The following APBA2 variants were observed in gnomAD, a reference collection of about 807,000 sequenced individuals.
The protein encoded by APBA2 is amyloid beta precursor protein binding family A member 2.
In APBA2, 30 loss-of-function variants were observed where a neutral mutation model predicts 75.0. The observed-to-expected ratio is 0.40, with a 90% CI of 0.30 to 0.54. The LOEUF (loss-of-function observed/expected upper bound fraction) is 0.54, where lower values mean the gene tolerates loss of function less well. APBA2 is among the 20% of genes least tolerant of loss of function. APBA2 has a pLI of 0.49. For missense variants in APBA2, 801 were observed against 1,016.1 expected, an observed-to-expected ratio of 0.79 and a Z score of 2.88; for synonymous variants, 444 against 409.6, an observed-to-expected ratio of 1.08 and a Z score of -1.01.
At chr15:29,092,147 C>T (rs2171893) in intron 6 of APBA2, among the ~76,000 whole-genome samples, 129,944 of 152,228 alleles carry the variant, frequency 0.85, 58,519 homozygotes, top group Non-Finnish European at 0.99. Context: ...GTTTTACATA[C>T]TGTCTACGGC....
chr15:28,957,401 T>C (rs781565693), intron 2 of APBA2, among the ~76,000 whole-genome samples: 66 of 152,150 alleles, frequency 4.3e-4, no homozygotes, highest in Non-Finnish European at 7.1e-4. Flanking sequence ...TTCACTTCCT[T>C]CGGGCATACC....
At chr15:29,002,890 G>C (rs1169055457) in intron 3 of APBA2, among the ~76,000 whole-genome samples, 1 of 152,282 alleles carries the variant, frequency 6.6e-6, no homozygotes, top group South Asian at 2.1e-4. Context: ...CCAGGAGGGA[G>C]TGAGGGTTGA....
chr15:28,975,016 G>A (rs1566862189), intron 2 of APBA2, among the ~76,000 whole-genome samples: 2 of 151,846 alleles, frequency 1.3e-5, no homozygotes, highest in Admixed American at 6.6e-5. Context: ...ATCATGAAGG[G>A]GAGAGAGAGA....
intron 1 of APBA2, among the ~76,000 whole-genome samples, chr15:28,914,214 CT>C (rs2033564074): frequency 6.6e-6 from 1 of 152,190 alleles, no homozygotes; most frequent in Non-Finnish European, 1.5e-5. Flanking sequence ...CAGGCTCCCC[CT>C]GCTCATCCCA....
chr15:28,903,783 G>A (rs922697064), intron 1 of APBA2, among the ~76,000 whole-genome samples: 2 of 152,184 alleles, frequency 1.3e-5, no homozygotes, highest in Non-Finnish European at 2.9e-5. Context: ...TGCTGGGTGA[G>A]GGACAGGCAG....
chr15:29,013,896 A>T (rs2039527440), intron 3 of APBA2, among the ~76,000 whole-genome samples: 1 of 152,228 alleles, frequency 6.6e-6, no homozygotes, highest in East Asian at 1.9e-4. Flanking sequence ...GATTCACATT[A>T]GCATATTTGG....
At chr15:29,090,090 C>T (rs1044805227) in intron 6 of APBA2, among the ~76,000 whole-genome samples, 6 of 152,204 alleles carry the variant, frequency 3.9e-5, no homozygotes, top group African/African-American at 9.7e-5. Context: ...GGGTTCTCCT[C>T]CCGTGGTGCG....
rs540238344 is a variant in APBA2, at chr15:29,045,909, A to G, written c.-40-7936A>G. On this transcript the variant is annotated intron_variant, in intron 3 of 14. Coordinates refer to ENST00000683413, the MANE Select transcript of APBA2 (RefSeq NM_001353788.2). ...ATCAGTTTCACAAATGATGTGCTAGATGATTAGTCATATCTCCGGCTCTCT... is the reference window on the plus strand; with the variant it reads ...ATCAGTTTCACAAATGATGTGCTAGGTGATTAGTCATATCTCCGGCTCTCT... Among the ~76,000 whole-genome samples, 12 of 152,262 alleles carry G rather than the reference A, an allele frequency of 7.9e-5. No individual in the cohort carries two copies. The East Asian group carries it at 2.1e-3, about 27-fold the overall frequency.
At chr15:29,066,335 GA>G (rs2042378351) in intron 4 of APBA2, among the ~76,000 whole-genome samples, 1 of 152,148 alleles carries the variant, frequency 6.6e-6, no homozygotes, top group Admixed American at 6.5e-5. Context: ...AGCATAGCGA[GA>G]AAGTACAAAA....
intron 1 of APBA2, among the ~76,000 whole-genome samples, chr15:28,920,902 G>A (rs2033939200): frequency 6.6e-6 from 1 of 152,152 alleles, no homozygotes; most frequent in South Asian, 2.1e-4. Context: ...GAGCTAGGAC[G>A]TCTATCTCTG....
Position 29,071,847 on chromosome 15 carries a change from G to T in APBA2, c.952-3074G>T, listed in dbSNP as rs116814757. Among the ~76,000 whole-genome samples the T allele has an allele frequency of 1.3e-3, 198 of 152,058 alleles. 1 individual carries two copies. Among genetic ancestry groups the T allele is most frequent in the African/African-American group, 4.6e-3 (192 of 41,462 alleles). ...GGGAGATAGAGGAAACGCTGTTATG[G>T]AGGAAAGGTCACCCCTAGAGACAAC... On this transcript the variant is annotated intron_variant, in intron 4 of 14. Coordinates refer to ENST00000683413, the MANE Select transcript of APBA2 (RefSeq NM_001353788.2).
At chr15:29,068,429 G>T (rs1321949526) in intron 4 of APBA2, among the ~76,000 whole-genome samples, 2 of 152,368 alleles carry the variant, frequency 1.3e-5, no homozygotes, top group Middle Eastern at 3.4e-3. Context: ...CCGCAGCACT[G>T]GTGGGTGACT....
chr15:29,083,717 G>A (rs2043177563), intron 6 of APBA2, among the ~76,000 whole-genome samples: 1 of 152,104 alleles, frequency 6.6e-6, no homozygotes, highest in Non-Finnish European at 1.5e-5. Flanking sequence ...TTTTAGTAGA[G>A]ATGGGGTTTT....
intron 1 of APBA2, among the ~76,000 whole-genome samples, chr15:28,886,970 A>T (rs1036132927): frequency 2.0e-5 from 3 of 152,154 alleles, no homozygotes; most frequent in African/African-American, 4.8e-5. Context: ...CCCGGTCCCC[A>T]AGCAGGGCGC....
chr15:29,107,204 G>A (rs1393408968), intron 12 of APBA2, among the ~76,000 whole-genome samples: 5 of 152,194 alleles, frequency 3.3e-5, no homozygotes, highest in Non-Finnish European at 7.4e-5. Flanking sequence ...GTGCTGGTGG[G>A]CTGGGGAGGT....
Position 28,987,722 on chromosome 15 carries a change from GGAGA to G in APBA2, c.-94-8026_-94-8023del, listed in dbSNP as rs145875513. ...TTGAAGGGAGTGTCAAAGAATATGT[GGAGA>G]GAGATATATATATATATATATATAT... On this transcript the variant is annotated intron_variant, in intron 2 of 14. Transcript: ENST00000683413. 7.7e-3 allele frequency among the ~76,000 whole-genome samples: 977 copies of G among 126,982 alleles called. 20 individuals are homozygous for G. The highest frequency in any genetic ancestry group is 0.027 in the East Asian group (93 of 3,450). The allele number at this position is 126,982 out of a possible 152,430, so 83.3% of individuals were successfully genotyped here.
chr15:28,943,936 A>C (rs902269), intron 2 of APBA2, among the ~76,000 whole-genome samples: 52,068 of 152,008 alleles, frequency 0.34, 15,758 homozygotes, highest in African/African-American at 0.8. Context: ...GGTGGCCGCT[A>C]CACAGTGCCC....
chr15:28,897,143 A>G (rs1189973545), intron 1 of APBA2, among the ~76,000 whole-genome samples: 1 of 151,932 alleles, frequency 6.6e-6, no homozygotes, highest in Admixed American at 6.6e-5. Flanking sequence ...ATCAACAAGA[A>G]AATGAGAGAA....
At chr15:29,077,243 T>G (rs2042889872) in intron 6 of APBA2, among the ~76,000 whole-genome samples, 1 of 152,172 alleles carries the variant, frequency 6.6e-6, no homozygotes, top group Admixed American at 6.5e-5. Flanking sequence ...CTCCCCACAT[T>G]CCCGCTTGTA....
Sources: gnomAD v4.1 joint callset for allele counts (sites outside exome capture counted in the v4.1 genomes callset) on GRCh38, gnomAD v4.1.1 for gene constraint, MANE v1.5 for transcripts, NCBI Gene and HGNC (gene_info 2026-07-23, HGNC 2026-07-21) for gene names.